Variants in CHL1 observed in about 807,000 individuals in gnomAD.
The protein encoded by CHL1 is neural cell adhesion molecule L1-like protein.
CHL1 carries 96 observed loss-of-function variants against 141.9 expected under a neutral mutation model. That is an observed-to-expected ratio of 0.68 (90% CI 0.57 to 0.80). The LOEUF is 0.80. Ranked by LOEUF, CHL1 falls within the 30% of genes least tolerant of loss-of-function variation. The pLI is 0.00. For synonymous variants in CHL1, 613 were observed against 502.2 expected (o/e 1.22, Z -2.95); for missense variants, 1,820 against 1,457.2 (o/e 1.25, Z -4.05).
At chr3:273,233 C>T (rs1389625488) in intron 2 of CHL1, among the ~76,000 whole-genome samples, 1 of 152,146 alleles carries the variant, frequency 6.6e-6, no homozygotes, top group Admixed American at 6.5e-5. Flanking sequence ...TGTGCGATAG[C>T]TAGAAACAGG....
chr3:367,642 C>T (rs1016448471), intron 15 of CHL1, among the ~76,000 whole-genome samples: 3 of 152,026 alleles, frequency 2.0e-5, no homozygotes, highest in Admixed American at 1.3e-4. Flanking sequence ...TTCCTTATGA[C>T]AAATTTCTTT....
At chr3:383,708 C>A in intron 18 of CHL1, 108 bp from the exon 19 acceptor site, 2 of 656,930 alleles carry the variant, frequency 3.0e-6, no homozygotes, top group South Asian at 1.9e-5. Flanking sequence ...TTAATAAGTA[C>A]AATCAAACTT....
intron 1 of CHL1, among the ~76,000 whole-genome samples, chr3:202,240 T>G (rs1699018521): frequency 6.6e-6 from 1 of 152,140 alleles, no homozygotes; most frequent in East Asian, 1.9e-4. Flanking sequence ...AGTAGCACGG[T>G]TTTTTATTGT....
chr3:300,700 T>C (rs567287040), intron 2 of CHL1, among the ~76,000 whole-genome samples: 1 of 152,212 alleles, frequency 6.6e-6, no homozygotes, highest in South Asian at 2.1e-4. Context: ...TCATAAGACA[T>C]TACACTAGTG....
intron 10 of CHL1, among the ~76,000 whole-genome samples, chr3:352,140 G>A (rs1703321150): frequency 6.6e-6 from 1 of 152,000 alleles, no homozygotes; most frequent in Non-Finnish European, 1.5e-5. Flanking sequence ...CATTTTCAAA[G>A]GTTGTCATAA....
At chr3:341,761 C>A in intron 6 of CHL1, 151 bp from the exon 7 acceptor site, 2 of 580,262 alleles carry the variant, frequency 3.4e-6, no homozygotes, top group Admixed American at 3.6e-5. Context: ...CCTATTTGCT[C>A]ATTGTTCCTG....
chr3:299,465 C>T (rs1440132795), intron 2 of CHL1, among the ~76,000 whole-genome samples: 4 of 151,952 alleles, frequency 2.6e-5, no homozygotes, highest in Non-Finnish European at 5.9e-5. Flanking sequence ...ATTAGGTTTG[C>T]CTCAGATGAT....
At position 233,931 on chromosome 3, in the gene CHL1, T is replaced by G. The variant is rs572856887; in HGVS notation, c.-174-10682T>G. Among the ~76,000 whole-genome samples, 3 of 152,220 alleles carry G rather than the reference T, an allele frequency of 2.0e-5. 1 individual carries two copies. The South Asian group carries it at 6.2e-4, about 32-fold the overall frequency. On this transcript the variant is annotated intron_variant, in intron 1 of 27. Transcript: ENST00000256509. ...ATGTTTAATCCAAACTTAGTTAGAT[T>G]TCTAGATCTGGGCATACTGGCCAAA... is the stretch of plus-strand genomic sequence containing the variant.
chr3:358,976 T>A (rs1385411467), intron 11 of CHL1, among the ~76,000 whole-genome samples: 1 of 146,900 alleles, frequency 6.8e-6, no homozygotes, highest in Non-Finnish European at 1.5e-5. Context: ...ATATATGTTA[T>A]ATATATATAT....
intron 18 of CHL1, 69 bp downstream of exon 18, chr3:382,740 A>C (rs141190594): frequency 7.5e-7 from 1 of 1,333,688 alleles, no homozygotes; most frequent in Admixed American, 1.8e-5. Context: ...CATCTAAAAA[A>C]AAAAGATTGA....
At chr3:391,211 C>A in intron 22 of CHL1, 52 bp downstream of exon 22, 1 of 1,379,094 alleles carries the variant, frequency 7.3e-7, no homozygotes, top group South Asian at 1.2e-5. Flanking sequence ...GATCCATGGC[C>A]ATATTAAACA....
chr3:339,116 C>T (rs372274665), intron 5 of CHL1, among the ~76,000 whole-genome samples: 13 of 152,264 alleles, frequency 8.5e-5, no homozygotes, highest in South Asian at 4.1e-4. Context: ...GATAGATTCA[C>T]CAACTACCCA....
intron 1 of CHL1, among the ~76,000 whole-genome samples, chr3:220,657 A>T: frequency 6.6e-6 from 1 of 152,272 alleles, no homozygotes; most frequent in Non-Finnish European, 1.5e-5. Context: ...TAGCCACTGC[A>T]CTCCAGCTTG....
chr3:381,976 A>C (rs535310494), intron 16 of CHL1, among the ~76,000 whole-genome samples: 3 of 144,462 alleles, frequency 2.1e-5, no homozygotes, highest in Non-Finnish European at 4.5e-5. Flanking sequence ...TTGTTTATTT[A>C]CTTCTTAGGG....
In CHL1 at chr3:405,905, G is replaced by A; in HGVS notation, c.*194G>A. The A allele has an allele frequency of 1.9e-6, 1 of 527,874 alleles. No individual in the cohort carries two copies. Among genetic ancestry groups the A allele is most frequent in the Non-Finnish European group, 3.4e-6 (1 of 294,836 alleles). 32.7% of individuals were successfully genotyped at this position (527,874 alleles called of 1,614,324 possible). Reference sequence around the variant, plus strand: ...AAAATGCCAAGCACTTCAGGCCTATGTTTTGCTTATATTGTTTTCAGGTGC... The same window carrying A: ...AAAATGCCAAGCACTTCAGGCCTATATTTTGCTTATATTGTTTTCAGGTGC... On this transcript the variant is annotated 3_prime_UTR_variant, in exon 28 of 28. Transcript: ENST00000256509.
intron 3 of CHL1, among the ~76,000 whole-genome samples, chr3:320,805 G>T (rs539225959): frequency 4.0e-5 from 6 of 151,818 alleles, no homozygotes; most frequent in African/African-American, 7.3e-5. Flanking sequence ...CATGCATATG[G>T]GTTCTAAAAG....
Position 401,617 on chromosome 3 carries a change from CT to C in CHL1, c.3386-3del. The C allele has an allele frequency of 3.9e-6, 6 of 1,551,278 alleles. No homozygotes were observed. The highest frequency in any genetic ancestry group is 1.8e-5 in the Admixed American group (1 of 56,092). ...GTATTACTTTTCCCACTTTTTTTCT[CT>C]TTTTTAGTTAAAGAAAAGGAAGATT... On this transcript the variant is annotated splice_region_variant and splice_polypyrimidine_tract_variant and intron_variant, in intron 26 of 27. Transcript: ENST00000256509.
At chr3:212,269 A>G (rs6782582) in intron 1 of CHL1, among the ~76,000 whole-genome samples, 4,687 of 152,126 alleles carry the variant, frequency 0.031, 216 homozygotes, top group African/African-American at 0.11. Flanking sequence ...GTCTATTTTT[A>G]TATAGCATAA....
chr3:334,535 T>A (rs1701708268), intron 5 of CHL1, among the ~76,000 whole-genome samples: 1 of 152,216 alleles, frequency 6.6e-6, no homozygotes, highest in South Asian at 2.1e-4. Flanking sequence ...GAATCATGTA[T>A]ATGGTCTTTT....
Sources: gnomAD v4.1 joint callset for allele counts (sites outside exome capture counted in the v4.1 genomes callset) on GRCh38, gnomAD v4.1.1 for gene constraint, MANE v1.5 for transcripts, NCBI Gene and HGNC (gene_info 2026-07-23, HGNC 2026-07-21) for gene names.